KAZN: variants seen among roughly 807,000 people sequenced by gnomAD.
KAZN encodes the protein kazrin.
A neutral mutation model predicts 87.4 loss-of-function variants in KAZN; 40 were observed. The ratio of observed to expected loss-of-function variants is 0.46; its 90% CI spans 0.36 to 0.60. The LOEUF (loss-of-function observed/expected upper bound fraction) is 0.60. Among genes scored for constraint, KAZN ranks in the 20% least tolerant of loss-of-function variants. KAZN has a pLI of 0.00. For missense variants in KAZN, 898 were observed against 1,073.9 expected (o/e 0.84, Z 2.29); for synonymous variants, 466 against 458.3 (o/e 1.02, Z -0.22).
chr1:15,077,135 C>A lies in KAZN; in HGVS notation c.1222+11382C>A, dbSNP rs954147874. Among the ~76,000 whole-genome samples, 1 of 152,122 alleles carries A rather than the reference C, an allele frequency of 6.6e-6. No homozygotes were observed. The highest frequency in any genetic ancestry group is 2.4e-5 in the African/African-American group (1 of 41,452). Reference sequence around the variant, plus strand: ...GAAGCCAAATATCTCACATAATACACCCCAAGTCTTTCATATTGACAACTA... The same window carrying A: ...GAAGCCAAATATCTCACATAATACAACCCAAGTCTTTCATATTGACAACTA... On this transcript the variant is annotated intron_variant, in intron 8 of 14. Coordinates refer to ENST00000376030, the MANE Select transcript of KAZN (RefSeq NM_201628.3). The surrounding 1 kb of genome is among the most constrained non-coding windows in gnomAD (Gnocchi z 4.8).
At chr1:15,026,348 T>C (rs1298123677) in intron 2 of KAZN, among the ~76,000 whole-genome samples, 1 of 152,158 alleles carries the variant, frequency 6.6e-6, no homozygotes, top group Non-Finnish European at 1.5e-5. Flanking sequence ...GCTTAACAGC[T>C]GGGGATAGGG....
At position 14,079,064 on chromosome 1, in the gene KAZN, A is replaced by G. The variant is rs1643572045; in HGVS notation, c.92-101371A>G. 2.0e-5 allele frequency among the ~76,000 whole-genome samples: 3 copies of G among 152,210 alleles called. No individual in the cohort carries two copies. In the South Asian group the frequency reaches 6.2e-4, roughly 32 times the overall value. On this transcript the variant is annotated intron_variant, in intron 1 of 16. Transcript: ENST00000636203. ...AGGAATACCTCAGACTGGGTAATTT[A>G]TAAAGAAAAGAGGTTCATTTGGCTC...
intron 2 of KAZN, among the ~76,000 whole-genome samples, chr1:15,026,508 G>A (rs1671174440): frequency 6.6e-6 from 1 of 152,134 alleles, no homozygotes; most frequent in Non-Finnish European, 1.5e-5. Context: ...GAGGCTTAGA[G>A]CGGGGGAAAA....
chr1:14,166,563 C>T (rs529085381), intron 1 of KAZN, among the ~76,000 whole-genome samples: 12 of 151,744 alleles, frequency 7.9e-5, no homozygotes, highest in South Asian at 2.1e-4. Flanking sequence ...CAGCAAATGT[C>T]GAAATAAGAG....
intron 1 of KAZN, among the ~76,000 whole-genome samples, chr1:13,899,614 C>T (rs1292672860): frequency 1.3e-5 from 2 of 150,392 alleles, no homozygotes; most frequent in African/African-American, 4.9e-5. Context: ...TCTAAGCTTC[C>T]TGAGGTCAAC....
chr1:15,028,822 A>G (rs1671416397), intron 2 of KAZN, among the ~76,000 whole-genome samples: 1 of 152,228 alleles, frequency 6.6e-6, no homozygotes, highest in Non-Finnish European at 1.5e-5. Context: ...GTGAAGCCTC[A>G]TGGGAGAGGG....
At chr1:14,129,505 A>G (rs1465313091) in intron 1 of KAZN, among the ~76,000 whole-genome samples, 1 of 152,156 alleles carries the variant, frequency 6.6e-6, no homozygotes, top group Non-Finnish European at 1.5e-5. Context: ...TGAATCCTCC[A>G]CTTTCCAGTG....
intron 2 of KAZN, among the ~76,000 whole-genome samples, chr1:14,229,956 CTA>C (rs1647654755): frequency 6.6e-6 from 1 of 152,224 alleles, no homozygotes. Flanking sequence ...ATTTCAGGCT[CTA>C]TTCTTCCTCC....
At position 14,828,749 on chromosome 1, in the gene KAZN, C is replaced by T. The variant is rs146022820; in HGVS notation, c.227-131935C>T. The stretch of plus-strand genomic sequence containing the variant: ...GGTTGGTAGCACTGGACGGGTACAA[C>T]AGTCCAAAAGCATCATCAGGAACCC... On this transcript the variant is annotated intron_variant, in intron 1 of 14. Coordinates refer to ENST00000376030, the MANE Select transcript of KAZN (RefSeq NM_201628.3). 7.2e-5 allele frequency among the ~76,000 whole-genome samples: 11 copies of T among 152,292 alleles called. No individual in the cohort carries two copies. The East Asian group carries it at 2.1e-3, about 29-fold the overall frequency.
intron 1 of KAZN, among the ~76,000 whole-genome samples, chr1:14,086,413 C>T (rs556657476): frequency 3.3e-5 from 5 of 152,284 alleles, no homozygotes; most frequent in African/African-American, 1.2e-4. Flanking sequence ...CATGCGGTCT[C>T]ATTATTCAGC....
chr1:14,395,912 T>C (rs549871291), intron 2 of KAZN, among the ~76,000 whole-genome samples: 72 of 152,198 alleles, frequency 4.7e-4, no homozygotes, highest in African/African-American at 1.7e-3. Flanking sequence ...CTCATGCCTG[T>C]AATCCCAGCA....
chr1:14,127,234 A>C (rs1644891874), intron 1 of KAZN, among the ~76,000 whole-genome samples: 2 of 152,234 alleles, frequency 1.3e-5, no homozygotes, highest in African/African-American at 4.8e-5. Flanking sequence ...CATTGTCCAG[A>C]TGCAAAAACT....
chr1:14,989,731 G>A (rs1464504521), intron 2 of KAZN, among the ~76,000 whole-genome samples: 3 of 152,164 alleles, frequency 2.0e-5, no homozygotes, highest in Non-Finnish European at 4.4e-5. Flanking sequence ...GAAGTGCTCG[G>A]GATGGTGGTG....
chr1:14,669,055 G>C (rs1639751994), intron 1 of KAZN, among the ~76,000 whole-genome samples: 1 of 152,202 alleles, frequency 6.6e-6, no homozygotes, highest in Non-Finnish European at 1.5e-5. Context: ...TTAACCCATT[G>C]TTATCAAGGT....
intron 2 of KAZN, among the ~76,000 whole-genome samples, chr1:14,518,635 C>T (rs1030983432): frequency 6.6e-5 from 10 of 152,184 alleles, no homozygotes; most frequent in African/African-American, 1.9e-4. Flanking sequence ...TGCTGTTGAG[C>T]TGTGTGACAG....
chr1:14,197,648 A>G (rs1646555769), intron 2 of KAZN, among the ~76,000 whole-genome samples: 1 of 152,182 alleles, frequency 6.6e-6, no homozygotes, highest in Non-Finnish European at 1.5e-5. Flanking sequence ...AGATCACACC[A>G]CTACACTTCA....
At chr1:14,030,673 CACA>C (rs1327894165) in intron 1 of KAZN, among the ~76,000 whole-genome samples, 5 of 146,540 alleles carry the variant, frequency 3.4e-5, no homozygotes, top group Admixed American at 1.4e-4. Context: ...CACACACACA[CACA>C]CCAATCTATC....
At position 13,926,217 on chromosome 1, in the gene KAZN, C is replaced by T. The variant is rs139902928; in HGVS notation, c.91+32461C>T. On this transcript the variant is annotated intron_variant, in intron 1 of 16. Transcript: ENST00000636203. ...CTTCATGCTTCCCTATGCCCTGGCTCACCGTGCTGTTACTACCCAGAGTGG... is the reference window on the plus strand; with the variant it reads ...CTTCATGCTTCCCTATGCCCTGGCTTACCGTGCTGTTACTACCCAGAGTGG... Among the ~76,000 whole-genome samples the T allele has an allele frequency of 6.3e-3, 963 of 152,236 alleles. 13 individuals carry two copies. The highest frequency in any genetic ancestry group is 9.6e-3 in the South Asian group (46 of 4,814).
chr1:14,976,947 C>A (rs770880274), intron 2 of KAZN, among the ~76,000 whole-genome samples: 48 of 152,122 alleles, frequency 3.2e-4, no homozygotes, highest in Non-Finnish European at 3.5e-4. Flanking sequence ...CCCAGCTACT[C>A]AGGAGGCTGA....
Sources: allele counts gnomAD v4.1 joint callset (sites outside exome capture counted in the v4.1 genomes callset), GRCh38; gene constraint gnomAD v4.1.1; non-coding constraint Gnocchi (gnomAD v3.1); transcripts MANE v1.5; gene names NCBI Gene and HGNC (gene_info 2026-07-23, HGNC 2026-07-21).